GAS7: variants seen among roughly 807,000 people sequenced by gnomAD.
The protein encoded by GAS7 is growth arrest specific 7, also known as growth arrest-specific protein 7.
A neutral mutation model predicts 71.1 loss-of-function variants in GAS7; 28 were observed. That is an observed-to-expected ratio of 0.39 (90% CI 0.29 to 0.54). The LOEUF (loss-of-function observed/expected upper bound fraction) is 0.54, where lower values mean the gene tolerates loss of function less well. GAS7 is among the 20% of genes least tolerant of loss of function. The pLI, the probability that GAS7 is intolerant of heterozygous loss-of-function variation, is 0.62. For missense variants in GAS7, 436 were observed against 627.8 expected (o/e 0.69, Z 3.27); for synonymous variants, 258 against 245.8 (o/e 1.05, Z -0.46).
intron 1 of GAS7, among the ~76,000 whole-genome samples, chr17:10,096,472 T>C (rs1046108143): frequency 7.2e-5 from 11 of 152,170 alleles, no homozygotes; most frequent in South Asian, 2.1e-4. Context: ...TTCCATGTTG[T>C]GGTAAGCCAA....
In GAS7 at chr17:9,915,704, C is replaced by T. The variant is rs2067565113; in HGVS notation, c.*1524G>A. ...GTGAGTTGTGCTTGTTGAATTCTGC[C>T]CTCACTGCAGATGTGCAGGTCAAAC... On this transcript the variant is annotated 3_prime_UTR_variant, in exon 14 of 14. Transcript: ENST00000432992. 1 of 230,156 alleles carries T rather than the reference C, an allele frequency of 4.3e-6. No homozygotes were observed. The highest frequency in any genetic ancestry group is 8.6e-6 in the Non-Finnish European group (1 of 116,170). The allele number at this position is 230,156 out of a possible 1,614,324, so 14.3% of individuals were successfully genotyped here. A position where few individuals can be genotyped will look rare whatever the true frequency, so the allele number is the denominator to read the frequency against.
rs1279394336 is a variant in GAS7, at chr17:10,044,983, G to A, written c.184-25086C>T. Among the ~76,000 whole-genome samples the A allele has an allele frequency of 2.7e-5, 4 of 149,208 alleles. No individual in the cohort carries two copies. The Admixed American group carries it at 2.7e-4, about 10-fold the overall frequency. On this transcript the variant is annotated intron_variant, in intron 1 of 13. Transcript: ENST00000432992. ...GCAGGAGAATCACTTCATCTTGGCA[G>A]TGAGCAGAGATCGTGCCACTGCACT...
chr17:9,951,569 C>T (rs191176134), intron 5 of GAS7, among the ~76,000 whole-genome samples: 16 of 152,176 alleles, frequency 1.1e-4, no homozygotes, highest in Middle Eastern at 3.4e-3. Context: ...CCAGCCTGAC[C>T]CACATGGAGA....
chr17:10,098,197 G>C (rs2073663090), intron 1 of GAS7, among the ~76,000 whole-genome samples: 1 of 152,156 alleles, frequency 6.6e-6, no homozygotes, highest in African/African-American at 2.4e-5. Flanking sequence ...AGAGCACATG[G>C]AATAAAGAGT....
At chr17:9,987,985 G>T (rs540290640) in intron 2 of GAS7, among the ~76,000 whole-genome samples, 1 of 152,192 alleles carries the variant, frequency 6.6e-6, no homozygotes, top group East Asian at 1.9e-4. Context: ...GGCTTGTGCC[G>T]GCTCTCTGCT....
chr17:10,104,035 T>G (rs1302884879), intron 1 of GAS7, among the ~76,000 whole-genome samples: 3 of 152,148 alleles, frequency 2.0e-5, no homozygotes, highest in African/African-American at 7.2e-5. Context: ...TTTAAAAAAT[T>G]AAAGATAAAT....
At chr17:10,129,933 G>A (rs1170494988) in intron 1 of GAS7, among the ~76,000 whole-genome samples, 3 of 152,174 alleles carry the variant, frequency 2.0e-5, no homozygotes, top group Non-Finnish European at 4.4e-5. Flanking sequence ...CAGCACTTTG[G>A]GAGGCCAAGG....
intron 8 of GAS7, among the ~76,000 whole-genome samples, chr17:9,939,614 CTT>C (rs548573216): frequency 4.9e-5 from 7 of 144,258 alleles, no homozygotes; most frequent in Admixed American, 7.0e-5. Flanking sequence ...GTGGAAGTGC[CTT>C]TTTTTTTTTT....
intron 8 of GAS7, among the ~76,000 whole-genome samples, chr17:9,934,569 G>A (rs969052766): frequency 6.6e-6 from 1 of 152,094 alleles, no homozygotes; most frequent in Non-Finnish European, 1.5e-5. Context: ...GCAGGTGTGG[G>A]GACATTCCAA....
chr17:10,057,647 C>T lies in GAS7; in HGVS notation c.184-37750G>A, dbSNP rs796543520. ...GGGAGGTGGGGAGCAGCCCCCGCCC[C>T]GCCAGCCGCCCCGTCCGGGAGGTGG... On this transcript the variant is annotated intron_variant, in intron 1 of 13. Coordinates refer to ENST00000432992, the MANE Select transcript of GAS7 (RefSeq NM_201433.2). Among the ~76,000 whole-genome samples the T allele has an allele frequency of 6.4e-4, 58 of 91,126 alleles. 1 individual carries two copies. The highest frequency in any genetic ancestry group is 2.1e-3 in the African/African-American group (48 of 23,096). The allele number at this position is 91,126 out of a possible 152,430, so 59.8% of individuals were successfully genotyped here. A position where few individuals can be genotyped will look rare whatever the true frequency, so the allele number is the denominator to read the frequency against.
intron 1 of GAS7, among the ~76,000 whole-genome samples, chr17:10,131,600 C>T (rs1297471420): frequency 6.6e-6 from 1 of 152,206 alleles, no homozygotes; most frequent in Non-Finnish European, 1.5e-5. Context: ...CCAGCCTGGA[C>T]AACAGAGCGA....
rs533365341 is a variant in GAS7, at chr17:10,109,870, G to A, written c.183+88338C>T. Among the ~76,000 whole-genome samples the A allele has an allele frequency of 4.6e-5, 7 of 152,140 alleles. 1 individual carries two copies. The highest frequency in any genetic ancestry group is 1.7e-4 in the African/African-American group (7 of 41,530). ...GGAGTTTGAGACCAGCCTGGCCAACGTGGTAAAACCCCCTCTGTACTAAAA... is the reference window on the plus strand; with the variant it reads ...GGAGTTTGAGACCAGCCTGGCCAACATGGTAAAACCCCCTCTGTACTAAAA... On this transcript the variant is annotated intron_variant, in intron 1 of 13. Transcript: ENST00000432992.
chr17:9,961,281 A>G (rs941492723), intron 4 of GAS7, among the ~76,000 whole-genome samples: 7 of 152,176 alleles, frequency 4.6e-5, no homozygotes, highest in Admixed American at 2.0e-4. Context: ...CCACTTGACA[A>G]AACTGCACAG....
Position 9,920,195 on chromosome 17 carries a change from G to T in GAS7, c.1139-490C>A, listed in dbSNP as rs563630866. ...GCAGATCATGTAAGTGTGTGTGTGT[G>T]TGTGTGTGCATGAACACACTGCAAG... On this transcript the variant is annotated intron_variant, in intron 11 of 13. Coordinates refer to ENST00000432992, the MANE Select transcript of GAS7 (RefSeq NM_201433.2). Among the ~76,000 whole-genome samples the T allele has an allele frequency of 9.9e-5, 15 of 152,212 alleles. No individual in the cohort carries two copies. In the East Asian group the frequency reaches 2.9e-3, roughly 29 times the overall value.
chr17:10,142,541 G>A (rs563273869), intron 1 of GAS7, among the ~76,000 whole-genome samples: 31 of 152,144 alleles, frequency 2.0e-4, no homozygotes, highest in Non-Finnish European at 3.1e-4. Flanking sequence ...GCTAATTTTC[G>A]TATTTTTAGT....
chr17:9,950,327 G>A (rs1217644916), intron 5 of GAS7, among the ~76,000 whole-genome samples: 2 of 152,040 alleles, frequency 1.3e-5, no homozygotes, highest in African/African-American at 4.8e-5. Flanking sequence ...GGGCAACATA[G>A]CACAACCTTG....
At chr17:10,030,559 C>T (rs1310325511) in intron 1 of GAS7, among the ~76,000 whole-genome samples, 1 of 152,214 alleles carries the variant, frequency 6.6e-6, no homozygotes, top group African/African-American at 2.4e-5. Flanking sequence ...TCCTTTCTCC[C>T]AGTTTTCTAT....
chr17:9,964,761 C>T (rs2069638469), intron 4 of GAS7, among the ~76,000 whole-genome samples: 1 of 152,172 alleles, frequency 6.6e-6, no homozygotes, highest in Admixed American at 6.5e-5. Flanking sequence ...TCTCCCACAC[C>T]AGCCATAAAA....
intron 1 of GAS7, among the ~76,000 whole-genome samples, chr17:10,074,676 C>T (rs2073373102): frequency 6.6e-6 from 1 of 152,146 alleles, no homozygotes; most frequent in Admixed American, 6.5e-5. Flanking sequence ...AAAACTGTAC[C>T]TGTCGGTGTG....
Sources: allele counts gnomAD v4.1 joint callset (sites outside exome capture counted in the v4.1 genomes callset), GRCh38; gene constraint gnomAD v4.1.1; transcripts MANE v1.5; gene names NCBI Gene and HGNC (gene_info 2026-07-23, HGNC 2026-07-21).